Variants in MAPK9 observed in about 807,000 individuals in gnomAD.
MAPK9 encodes the protein Jun kinase.
Under a neutral mutation model 57.1 loss-of-function variants are expected in MAPK9, and 30 were observed. That is an observed-to-expected ratio of 0.53 (90% CI 0.39 to 0.71). MAPK9 has a LOEUF of 0.71. Ranked by LOEUF, MAPK9 falls within the 30% of genes least tolerant of loss-of-function variation. MAPK9 has a pLI of 0.00. For missense variants in MAPK9, 362 were observed against 521.0 expected (o/e 0.69, Z 2.97); for synonymous variants, 155 against 177.0 (o/e 0.88, Z 0.99).
chr5:180,248,867 C>T (rs891181018), intron 6 of MAPK9, 106 bp downstream of exon 6: 1 of 1,142,982 alleles, frequency 8.7e-7, no homozygotes. Context: ...GTGTAACAGT[C>T]CCCACAGTAT....
chr5:180,263,947 C>T (rs536613377), intron 4 of MAPK9, among the ~76,000 whole-genome samples: 25 of 152,216 alleles, frequency 1.6e-4, no homozygotes, highest in African/African-American at 5.1e-4. Flanking sequence ...CCTCGTGATC[C>T]GCCCGCCTCG....
At chr5:180,272,915 G>A (rs1012970898) in intron 2 of MAPK9, among the ~76,000 whole-genome samples, 7 of 152,002 alleles carry the variant, frequency 4.6e-5, no homozygotes, top group Admixed American at 1.3e-4. Flanking sequence ...TTGCCAGAGC[G>A]TTTCTACAAA....
At chr5:180,266,150 T>C (rs1027501283) in intron 3 of MAPK9, among the ~76,000 whole-genome samples, 15 of 143,978 alleles carry the variant, frequency 1.0e-4, no homozygotes, top group Admixed American at 8.9e-4. Context: ...AAAAGAAAAA[T>C]GGATAAAGGC....
At chr5:180,237,782 G>C (rs1329213635) in intron 11 of MAPK9, 1 of 152,344 alleles carries the variant, frequency 6.6e-6, no homozygotes, top group African/African-American at 2.4e-5. Flanking sequence ...TTCATACAGC[G>C]GTTTTTAAAT....
chr5:180,284,840 T>A (rs1427743531), intron 1 of MAPK9, among the ~76,000 whole-genome samples: 1 of 152,188 alleles, frequency 6.6e-6, no homozygotes, highest in African/African-American at 2.4e-5. Flanking sequence ...GAAAGATGTC[T>A]AAGATACAGA....
intron 8 of MAPK9, 133 bp downstream of exon 8, chr5:180,242,440 C>G: frequency 1.3e-6 from 1 of 750,358 alleles, no homozygotes; most frequent in East Asian, 2.7e-5. Flanking sequence ...CTCCTCAGTG[C>G]CTTCGTACCT....
Position 180,241,133 on chromosome 5 carries a change from T to A in MAPK9, c.894A>T (p.Leu298Phe), listed in dbSNP as rs1454933831. ...CAGGATCAATCACTAACATTTTTGA[T>A]AACAGATCTCTGGCTTGACTTGCTA... ...KIKTSQARDLLSKMLVIDPDK... is the reference protein window; with the variant it reads ...KIKTSQARDLFSKMLVIDPDK... Residue 298 changes from leucine (L) to phenylalanine (F), a missense_variant, in exon 9 of 12, where the codon TTA becomes TTT. Coordinates refer to ENST00000452135, the MANE Select transcript of MAPK9 (RefSeq NM_002752.5). 6.2e-7 allele frequency: 1 copy of A among 1,613,640 alleles called. No homozygotes were observed.
rs35630473 is a variant in MAPK9, at chr5:180,240,327, G to A, written c.997-340C>T. Among the ~76,000 whole-genome samples the A allele has an allele frequency of 3.0e-3, 455 of 152,304 alleles. 2 individuals carry two copies. Among genetic ancestry groups the A allele is most frequent in the Middle Eastern group, 0.024 (7 of 294 alleles). On this transcript the variant is annotated intron_variant, in intron 9 of 11. Coordinates refer to ENST00000452135, the MANE Select transcript of MAPK9 (RefSeq NM_002752.5). ...AGGCACTGTGCTGGCAGCTATGGAA[G>A]GTACTGTTGTTTCTTAGAACAAATT...
intron 5 of MAPK9, among the ~76,000 whole-genome samples, chr5:180,252,894 T>C (rs1399698249): frequency 1.3e-5 from 2 of 152,196 alleles, no homozygotes; most frequent in African/African-American, 4.8e-5. Context: ...CACTAACCTC[T>C]GTCTTCCAGA....
intron 2 of MAPK9, among the ~76,000 whole-genome samples, chr5:180,273,979 A>C (rs1455739140): frequency 6.8e-6 from 1 of 147,188 alleles, no homozygotes; most frequent in Non-Finnish European, 1.5e-5. Flanking sequence ...CAGTTTGTTC[A>C]TTTCTTTGTT....
intron 2 of MAPK9, among the ~76,000 whole-genome samples, chr5:180,277,937 T>G (rs1761969961): frequency 6.6e-6 from 1 of 152,244 alleles, no homozygotes; most frequent in South Asian, 2.1e-4. Flanking sequence ...CTTTCCCTAT[T>G]AGAACATAAG....
chr5:180,274,250 T>C (rs1217016400), intron 2 of MAPK9, among the ~76,000 whole-genome samples: 1 of 152,360 alleles, frequency 6.6e-6, no homozygotes, highest in East Asian at 1.9e-4. Flanking sequence ...GCTGCTAGTA[T>C]ATAAATATGC....
At chr5:180,267,989 A>G (rs1760827579) in intron 3 of MAPK9, among the ~76,000 whole-genome samples, 1 of 151,672 alleles carries the variant, frequency 6.6e-6, no homozygotes, top group Non-Finnish European at 1.5e-5. Context: ...CACCCTCCTT[A>G]ATTTTTTGTA....
chr5:180,240,972 G>A, intron 9 of MAPK9, 59 bp downstream of exon 9: 3 of 1,553,306 alleles, frequency 1.9e-6, no homozygotes, highest in Non-Finnish European at 2.6e-6. Flanking sequence ...GGACAGACAA[G>A]ATCCAAGGAA....
At chr5:180,279,420 A>C (rs541566403) in intron 2 of MAPK9, among the ~76,000 whole-genome samples, 65 of 152,180 alleles carry the variant, frequency 4.3e-4, no homozygotes, top group African/African-American at 1.2e-3. Context: ...ATTTCCTCTT[A>C]GCTCCCAGGG....
At chr5:180,256,329 C>A (rs888351635) in intron 5 of MAPK9, among the ~76,000 whole-genome samples, 1 of 130,812 alleles carries the variant, frequency 7.6e-6, no homozygotes, top group African/African-American at 2.8e-5. Context: ...GTAGATGGAA[C>A]AAAGGATGGT....
chr5:180,253,234 C>T (rs974794863), intron 5 of MAPK9, among the ~76,000 whole-genome samples: 8 of 152,208 alleles, frequency 5.3e-5, no homozygotes, highest in African/African-American at 7.2e-5. Flanking sequence ...GACTGCACTA[C>T]GTTCAGCTAG....
chr5:180,254,407 C>T (rs948454419), intron 5 of MAPK9, among the ~76,000 whole-genome samples: 2 of 152,168 alleles, frequency 1.3e-5, no homozygotes, highest in African/African-American at 4.8e-5. Context: ...TCAACAAAAG[C>T]TTATCCTCAG....
rs565556616 is a variant in MAPK9, at chr5:180,238,430, C to T, written c.1061-27G>A. The T allele has an allele frequency of 6.0e-6, 9 of 1,492,512 alleles. No individual in the cohort carries two copies. In the South Asian group the frequency reaches 1.0e-4, roughly 17 times the overall value. 92.5% of individuals were successfully genotyped at this position (1,492,512 alleles called of 1,614,324 possible). A position where few individuals can be genotyped will look rare whatever the true frequency, so the allele number is the denominator to read the frequency against. On this transcript the variant is annotated intron_variant, in intron 10 of 11. Transcript: ENST00000452135. Reference sequence around the variant, plus strand: ...TTTAATAAAAATACAAGTTAAAATGCTTAATCAGTTTCTAAACAGTTTCAC... The same window carrying T: ...TTTAATAAAAATACAAGTTAAAATGTTTAATCAGTTTCTAAACAGTTTCAC...
Sources: allele counts gnomAD v4.1 joint callset (sites outside exome capture counted in the v4.1 genomes callset), GRCh38; gene constraint gnomAD v4.1.1; transcripts MANE v1.5; gene names NCBI Gene and HGNC (gene_info 2026-07-23, HGNC 2026-07-21).